GFOD1: variants seen among roughly 807,000 people sequenced by gnomAD.
GFOD1 encodes the protein Gfo/Idh/MocA-like oxidoreductase domain containing 1.
Under a neutral mutation model 25.4 loss-of-function variants are expected in GFOD1, and 9 were observed. The observed-to-expected ratio is 0.35, with a 90% confidence interval of 0.21 to 0.62. The LOEUF (loss-of-function observed/expected upper bound fraction) is 0.62. GFOD1 is among the 20% of genes least tolerant of loss of function. GFOD1 has a pLI of 0.72. For synonymous variants in GFOD1, 253 were observed against 245.6 expected (o/e 1.03, Z -0.28); for missense variants, 403 against 556.9 (o/e 0.72, Z 2.78).
chr6:13,386,049 T>G (rs1451443156), intron 1 of GFOD1, among the ~76,000 whole-genome samples: 1 of 141,590 alleles, frequency 7.1e-6, no homozygotes, highest in Non-Finnish European at 1.5e-5. Flanking sequence ...GCCAGGGAGT[T>G]TGGGTAATTC....
At chr6:13,418,201 C>T (rs1381927195) in intron 1 of GFOD1, among the ~76,000 whole-genome samples, 2 of 152,118 alleles carry the variant, frequency 1.3e-5, no homozygotes, top group Admixed American at 6.5e-5. Context: ...AAATCTTACA[C>T]CGAAGCCACT....
At position 13,448,873 on chromosome 6, in the gene GFOD1, A is replaced by G. The variant is rs540521852; in HGVS notation, c.253+37765T>C. ...GACTTCTAGCCCTAGCTCTGGAGAC[A>G]GAACCAAAAGTCTCTAAAACAGGGG... is the stretch of plus-strand genomic sequence containing the variant. On this transcript the variant is annotated intron_variant, in intron 1 of 1. Transcript: ENST00000379287. 6.6e-5 allele frequency among the ~76,000 whole-genome samples: 10 copies of G among 152,364 alleles called. No homozygotes were observed. The East Asian group carries it at 1.9e-3, about 29-fold the overall frequency.
At chr6:13,483,902 T>A (rs1045491629) in intron 1 of GFOD1, among the ~76,000 whole-genome samples, 2 of 152,200 alleles carry the variant, frequency 1.3e-5, no homozygotes, top group African/African-American at 4.8e-5. Flanking sequence ...AGAGGATTAT[T>A]TTAGTCATGA....
chr6:13,391,793 T>A (rs572623788), intron 1 of GFOD1, among the ~76,000 whole-genome samples: 1 of 152,324 alleles, frequency 6.6e-6, no homozygotes, highest in South Asian at 2.1e-4. Context: ...GGGTATCGAC[T>A]TCATTGGAGT....
chr6:13,421,366 A>G (rs1180830067), intron 1 of GFOD1, among the ~76,000 whole-genome samples: 1 of 152,076 alleles, frequency 6.6e-6, no homozygotes, highest in Non-Finnish European at 1.5e-5. Context: ...GGTAGCATGC[A>G]CTTGGTAGTC....
chr6:13,473,262 C>T lies in GFOD1; in HGVS notation c.253+13376G>A, dbSNP rs572877583. ...AGAGAACAGGTGCTCCCACCACCAT[C>T]GGATGTAAGCACCAAACCAGGGGCT... On this transcript the variant is annotated intron_variant, in intron 1 of 1. Coordinates refer to ENST00000379287, the MANE Select transcript of GFOD1 (RefSeq NM_018988.4). 1.3e-4 allele frequency among the ~76,000 whole-genome samples: 20 copies of T among 152,330 alleles called. 1 individual carries two copies. The South Asian group carries it at 3.7e-3, about 28-fold the overall frequency.
chr6:13,466,194 T>C (rs572881434), intron 1 of GFOD1, among the ~76,000 whole-genome samples: 2 of 152,374 alleles, frequency 1.3e-5, no homozygotes, highest in Non-Finnish European at 1.5e-5. Context: ...GTCACTTCTT[T>C]GGAAGGTACA....
intron 1 of GFOD1, among the ~76,000 whole-genome samples, chr6:13,396,909 C>T (rs1785743851): frequency 6.6e-6 from 1 of 152,130 alleles, no homozygotes; most frequent in African/African-American, 2.4e-5. Context: ...AAATTTGTGA[C>T]AATTTATTAC....
At chr6:13,470,084 A>G (rs1285285164) in intron 1 of GFOD1, 1 of 1,400,230 alleles carries the variant, frequency 7.1e-7, no homozygotes, top group Admixed American at 1.9e-5. Flanking sequence ...AGGAATACAG[A>G]TGTTGAATTC....
chr6:13,486,965 A>G lies in GFOD1; in HGVS notation c.-75T>C. On this transcript the variant is annotated 5_prime_UTR_variant, in exon 1 of 2. Coordinates refer to ENST00000379287, the MANE Select transcript of GFOD1 (RefSeq NM_018988.4). ...CGCGCGCACACACCCACCTCTAGCC[A>G]GTCCTGCACCCCGCTCCTGTAGCCA... is the stretch of plus-strand genomic sequence containing the variant. 1.3e-6 allele frequency: 2 copies of G among 1,515,220 alleles called. No homozygotes were observed. Among genetic ancestry groups the G allele is most frequent in the South Asian group, 1.2e-5 (1 of 81,340 alleles). The allele number at this position is 1,515,220 out of a possible 1,614,324, so 93.9% of individuals were successfully genotyped here. A position where few individuals can be genotyped will look rare whatever the true frequency, so the allele number is the denominator to read the frequency against.
At chr6:13,411,726 G>A (rs944548632) in intron 1 of GFOD1, among the ~76,000 whole-genome samples, 1 of 152,188 alleles carries the variant, frequency 6.6e-6, no homozygotes, top group Admixed American at 6.5e-5. Context: ...TCTGTGATAG[G>A]AGCCAGTCAG....
chr6:13,406,102 CT>C (rs1785939773), intron 1 of GFOD1, among the ~76,000 whole-genome samples: 1 of 152,112 alleles, frequency 6.6e-6, no homozygotes, highest in African/African-American at 2.4e-5. Flanking sequence ...ATTTTGGGTC[CT>C]TTTGGCAGGA....
At chr6:13,428,885 G>T (rs542291438) in intron 1 of GFOD1, among the ~76,000 whole-genome samples, 2 of 152,354 alleles carry the variant, frequency 1.3e-5, no homozygotes, top group South Asian at 4.1e-4. Flanking sequence ...ATTGTAAAAT[G>T]TATAGCTTCC....
chr6:13,365,304 C>A lies in GFOD1; in HGVS notation c.612G>T (p.Lys204Asn). ...KVHGLLKTFV[K>N]QTDHIKGIRQ... is the part of the protein sequence containing the mutation. ...GGATGCCCTTGATGTGGTCAGTCTG[C>A]TTCACGAAGGTCTTGAGCAGCCCGT... Residue 204 changes from lysine (K) to asparagine (N), a missense_variant, in exon 2 of 2, where the codon AAG (lysine) becomes AAT (asparagine). Coordinates refer to ENST00000379287, the MANE Select transcript of GFOD1 (RefSeq NM_018988.4). The surrounding 1 kb of genome is among the most constrained non-coding windows in gnomAD (Gnocchi z 9.2). 2 of 1,614,236 alleles carry A rather than the reference C, an allele frequency of 1.2e-6. No homozygotes were observed. The highest frequency in any genetic ancestry group is 1.7e-6 in the Non-Finnish European group (2 of 1,180,038).
chr6:13,377,091 C>T (rs535898137), intron 1 of GFOD1, among the ~76,000 whole-genome samples: 156 of 151,404 alleles, frequency 1.0e-3, no homozygotes, highest in African/African-American at 3.6e-3. Context: ...TGCAAAAATC[C>T]AGAAACATTG....
At chr6:13,470,237 G>A (rs377252310) in intron 1 of GFOD1, 11 of 1,595,972 alleles carry the variant, frequency 6.9e-6, no homozygotes, top group African/African-American at 4.0e-5. Flanking sequence ...GGAAAGAAGG[G>A]CAATTGCCGG....
intron 1 of GFOD1, among the ~76,000 whole-genome samples, chr6:13,467,446 C>T (rs935670935): frequency 1.1e-4 from 17 of 152,172 alleles, no homozygotes; most frequent in Non-Finnish European, 2.4e-4. Flanking sequence ...CACCACCACA[C>T]ACACAGCCCA....
chr6:13,457,096 G>A (rs965843692), intron 1 of GFOD1, among the ~76,000 whole-genome samples: 10 of 152,184 alleles, frequency 6.6e-5, no homozygotes, highest in Non-Finnish European at 4.4e-5. Flanking sequence ...TAGCAGAGCA[G>A]GTCCACATCT....
chr6:13,477,212 AGG>A (rs201077558), intron 1 of GFOD1, among the ~76,000 whole-genome samples: 18,363 of 54,182 alleles, frequency 0.34, 1,312 homozygotes, highest in South Asian at 0.42. Context: ...CAGAACCAAT[AGG>A]GGGTGTGTGT....
Sources: gnomAD v4.1 joint callset for allele counts (sites outside exome capture counted in the v4.1 genomes callset) on GRCh38, gnomAD v4.1.1 for gene constraint, Gnocchi (gnomAD v3.1) non-coding constraint, MANE v1.5 for transcripts, NCBI Gene and HGNC (gene_info 2026-07-23, HGNC 2026-07-21) for gene names.